The following CPXCR1 variants were observed in gnomAD, a reference collection of about 807,000 sequenced individuals.
CPXCR1 encodes the protein CPX chromosome region candidate 1.
CPXCR1 carries 15 observed loss-of-function variants against 13.8 expected under a neutral mutation model. That is an observed-to-expected ratio of 1.09 (90% CI 0.73 to 1.67). The LOEUF is 1.67. Among genes scored for constraint, CPXCR1 ranks in the 40% most tolerant of loss-of-function variants. The probability of loss-of-function intolerance (pLI) is 0.00; values close to 1 mark genes in which losing one functional copy is unlikely to be tolerated. For missense variants in CPXCR1, 247 were observed against 223.6 expected (o/e 1.10, Z -0.67); for synonymous variants, 70 against 76.7 (o/e 0.91, Z 0.46).
intron 2 of CPXCR1, among the ~76,000 whole-genome samples, chrX:88,753,098 C>A (rs16981364): frequency 0.095 from 10,609 of 111,196 alleles, 1,228 homozygotes; most frequent in African/African-American, 0.32. Context: ...TGGGCCTTCT[C>A]TTCAGAACTA....
At chrX:88,752,600 G>T (rs892594709) in intron 2 of CPXCR1, among the ~76,000 whole-genome samples, 1 of 109,663 alleles carries the variant, frequency 9.1e-6, no homozygotes, top group African/African-American at 3.3e-5. Context: ...AGGCAGGAGT[G>T]CAATGGCACG....
intron 1 of CPXCR1, among the ~76,000 whole-genome samples, chrX:88,747,950 C>A (rs1320724364): frequency 2.2e-4 from 25 of 111,820 alleles, no homozygotes; most frequent in Admixed American, 1.8e-3. Context: ...AAAGGATAAT[C>A]AAAACTGATT....
At chrX:88,749,663 T>C (rs1395224964) in intron 2 of CPXCR1, among the ~76,000 whole-genome samples, 2 of 109,567 alleles carry the variant, frequency 1.8e-5, no homozygotes, top group African/African-American at 6.7e-5. Context: ...AGAATGGAGA[T>C]TGAGAAATAC....
rs752823341 is a variant in CPXCR1, at chrX:88,753,596, ATGT to A, written c.187_189del (p.Val63del). ...CCAGGCACAGCAACCTCCCAGGAAG[ATGT>A]TGTTCCTCAAGCAGCAGAAAACAGC... is the stretch of plus-strand genomic sequence containing the variant. On this transcript the variant is annotated inframe_deletion, in exon 3 of 3. Transcript: ENST00000276127. 5.0e-6 allele frequency: 6 copies of A among 1,205,342 alleles called. No individual in the cohort carries two copies. The highest frequency in any genetic ancestry group is 1.8e-5 in the African/African-American group (1 of 56,570).
At chrX:88,749,870 A>G (rs1924870318) in intron 2 of CPXCR1, among the ~76,000 whole-genome samples, 1 of 108,171 alleles carries the variant, frequency 9.2e-6, no homozygotes, top group Non-Finnish European at 1.9e-5. Flanking sequence ...ATAAACTTCA[A>G]TTGTGATCAC....
In CPXCR1 at chrX:88,750,149, GCAGTTTT is replaced by G. The variant is rs1186348454; in HGVS notation, c.-9+729_-9+735del. ...TGAGAGAGGGCATCCTTGTCTTGTG[GCAGTTTT>G]CAAAGGGAATGCTTTCAGTTTTTGC... On this transcript the variant is annotated intron_variant, in intron 2 of 2. Transcript: ENST00000276127. 2.7e-5 allele frequency among the ~76,000 whole-genome samples: 3 copies of G among 110,953 alleles called. No individual in the cohort carries two copies. In the Admixed American group the frequency reaches 2.9e-4, roughly 11 times the overall value.
rs1925023763 is a variant in CPXCR1 at position 88,754,505 on chromosome X, A to T, written c.*185A>T. 1 of 349,448 alleles carries T rather than the reference A, an allele frequency of 2.9e-6. No homozygotes were observed. The highest frequency in any genetic ancestry group is 1.1e-4 in the South Asian group (1 of 9,152). 28.8% of individuals were successfully genotyped at this position (349,448 alleles called of 1,213,427 possible). On this transcript the variant is annotated 3_prime_UTR_variant, in exon 3 of 3. Coordinates refer to ENST00000276127, the MANE Select transcript of CPXCR1 (RefSeq NM_033048.6). ...GGGGAGTGAGGAAACATCTGTTTAT[A>T]CTTTGCTTTTACAAGTACATCATTG... is the stretch of plus-strand genomic sequence containing the variant.
rs1227798912 is a variant in CPXCR1 at position 88,747,315 on chromosome X, G to A, written c.-169G>A. The A allele has an allele frequency of 8.9e-6, 1 of 112,378 alleles. No homozygotes were observed. The highest frequency in any genetic ancestry group is 3.2e-5 in the African/African-American group (1 of 30,935). The allele number at this position is 112,378 out of a possible 1,213,427, so 9.3% of individuals were successfully genotyped here. Reference sequence around the variant, plus strand: ...ACCTTTCCTAAGGATTTTGACGAATGAGAATGAAGATAAACTGTGAGTTGA... The same window carrying A: ...ACCTTTCCTAAGGATTTTGACGAATAAGAATGAAGATAAACTGTGAGTTGA... On this transcript the variant is annotated 5_prime_UTR_variant, in exon 1 of 3. The change abolishes an upstream ATG in the 5' untranslated region. Coordinates refer to ENST00000276127, the MANE Select transcript of CPXCR1 (RefSeq NM_033048.6).
intron 2 of CPXCR1, among the ~76,000 whole-genome samples, chrX:88,753,112 G>C (rs1434925176): frequency 9.0e-6 from 1 of 111,360 alleles, no homozygotes; most frequent in Non-Finnish European, 1.9e-5. Flanking sequence ...AGAACTAAAT[G>C]TGTTCTAGTG....
chrX:88,752,955 A>G (rs757131338), intron 2 of CPXCR1, among the ~76,000 whole-genome samples: 1 of 111,251 alleles, frequency 9.0e-6, no homozygotes, highest in Non-Finnish European at 1.9e-5. Context: ...ATAGGTCTTA[A>G]TTTTCTTTTA....
intron 1 of CPXCR1, among the ~76,000 whole-genome samples, chrX:88,748,533 T>C (rs986395240): frequency 9.1e-6 from 1 of 110,420 alleles, no homozygotes; most frequent in Non-Finnish European, 1.9e-5. Context: ...CAAACATATG[T>C]CCAAACATTA....
In CPXCR1 at chrX:88,754,143, A is replaced by T. The variant is rs781665786; in HGVS notation, c.729A>T (p.Gln243His). 1 of 1,196,600 alleles carries T rather than the reference A, an allele frequency of 8.4e-7. No individual in the cohort carries two copies. Among genetic ancestry groups the T allele is most frequent in the South Asian group, 1.8e-5 (1 of 55,790 alleles). The change falls in exon 3 of 3, where the codon CAA (glutamine) becomes CAT (histidine). Residue 243 changes from glutamine to histidine, a missense_variant. Transcript: ENST00000276127. The part of the protein sequence containing the change: ...VRSVLFVSQI[Q>H]IESIFNIKGF... Reference sequence around the variant, plus strand: ...CTGTGCTCTTTGTGTCACAGATACAAATTGAAAGTATTTTTAATATAAAAG... The same window carrying T: ...CTGTGCTCTTTGTGTCACAGATACATATTGAAAGTATTTTTAATATAAAAG...
chrX:88,751,169 C>T (rs779099580), intron 2 of CPXCR1, among the ~76,000 whole-genome samples: 2 of 111,202 alleles, frequency 1.8e-5, no homozygotes, highest in African/African-American at 3.3e-5. Context: ...GTTAGGGTGC[C>T]GATTTTAGAT....
intron 1 of CPXCR1, among the ~76,000 whole-genome samples, chrX:88,748,664 T>C (rs1488599313): frequency 9.0e-6 from 1 of 110,660 alleles, no homozygotes; most frequent in African/African-American, 3.3e-5. Flanking sequence ...TGTAATTACA[T>C]TTCAGAGGGC....
intron 1 of CPXCR1, among the ~76,000 whole-genome samples, chrX:88,747,755 G>A (rs1924811704): frequency 9.0e-6 from 1 of 111,638 alleles, no homozygotes; most frequent in Admixed American, 9.6e-5. Context: ...GTATATTGGA[G>A]GGGTTTGTCA....
chrX:88,753,617 A>C lies in CPXCR1; in HGVS notation c.203A>C (p.Glu68Ala). 2 of 1,207,392 alleles carry C rather than the reference A, an allele frequency of 1.7e-6. No homozygotes were observed. Among genetic ancestry groups the C allele is most frequent in the South Asian group, 1.8e-5 (1 of 56,362 alleles). ...GAAGATGTTGTTCCTCAAGCAGCAGAAAACAGCGAGCTCGAAACAGAGATC... is the reference window on the plus strand; with the variant it reads ...GAAGATGTTGTTCCTCAAGCAGCAGCAAACAGCGAGCTCGAAACAGAGATC... ...SQEDVVPQAAENSELETEIQK... is the reference protein window; with the variant it reads ...SQEDVVPQAAANSELETEIQK... The change falls in exon 3 of 3, where the codon GAA (glutamate) becomes GCA (alanine). Residue 68 changes from glutamate to alanine, a missense_variant. Glu to Ala is a moderately radical substitution (Grantham distance 107). Coordinates refer to ENST00000276127, the MANE Select transcript of CPXCR1 (RefSeq NM_033048.6).
intron 2 of CPXCR1, 31 bp from the exon 3 acceptor site, chrX:88,753,376 A>C (rs776760901): frequency 6.9e-6 from 6 of 873,786 alleles, no homozygotes; most frequent in Non-Finnish European, 3.1e-6. Flanking sequence ...ACATAAATTT[A>C]GTAAATCTTT....
intron 1 of CPXCR1, among the ~76,000 whole-genome samples, chrX:88,748,734 G>C (rs755365984): frequency 9.1e-6 from 1 of 109,877 alleles, no homozygotes; most frequent in East Asian, 2.9e-4. Flanking sequence ...ACATAGTTGA[G>C]TGACATAAAT....
Position 88,753,812 on chromosome X carries a change from G to A in CPXCR1, c.398G>A (p.Arg133Gln), listed in dbSNP as rs1924996797. Residue 133 changes from arginine (R) to glutamine (Q), a missense_variant, in exon 3 of 3, where the codon CGA (arginine) becomes CAA (glutamine). Arg to Gln is a conservative substitution (Grantham distance 43). Coordinates refer to ENST00000276127, the MANE Select transcript of CPXCR1 (RefSeq NM_033048.6). ...NFPINHKTRF[R>Q]LSTSWRVPFI... is the part of the protein sequence containing the mutation. ...CCCATAAATCACAAAACTCGTTTTC[G>A]ACTTTCAACTTCATGGAGAGTCCCA... The A allele has an allele frequency of 4.1e-6, 5 of 1,207,293 alleles. No homozygotes were observed. The highest frequency in any genetic ancestry group is 1.8e-5 in the South Asian group (1 of 56,564).
Sources: allele counts gnomAD v4.1 joint callset (sites outside exome capture counted in the v4.1 genomes callset), GRCh38; gene constraint gnomAD v4.1.1; transcripts MANE v1.5; gene names NCBI Gene and HGNC (gene_info 2026-07-23, HGNC 2026-07-21).